The following ZHX2 variants were observed in gnomAD, a reference collection of about 807,000 sequenced individuals.
ZHX2 encodes the protein zinc fingers and homeoboxes 2, also known as zinc fingers and homeoboxes protein 2.
A neutral mutation model predicts 21.9 loss-of-function variants in ZHX2; 6 were observed. The observed-to-expected ratio is 0.27, with a 90% CI of 0.15 to 0.54. The LOEUF (loss-of-function observed/expected upper bound fraction) is 0.54, where lower values mean the gene tolerates loss of function less well. Ranked by LOEUF, ZHX2 falls within the 20% of genes least tolerant of loss-of-function variation. The probability of loss-of-function intolerance (pLI) is 0.95; values close to 1 mark genes in which losing one functional copy is unlikely to be tolerated. For synonymous variants in ZHX2, 434 were observed against 437.1 expected (o/e 0.99, Z 0.09); for missense variants, 908 against 1,090.7 (o/e 0.83, Z 2.36).
chr8:122,954,749 A>G (rs1196037784), intron 3 of ZHX2, among the ~76,000 whole-genome samples: 2 of 152,094 alleles, frequency 1.3e-5, no homozygotes, highest in Non-Finnish European at 2.9e-5. Flanking sequence ...AGGCCTGTCC[A>G]TTCTGAAGGT....
At chr8:122,916,227 C>T (rs35403566) in intron 2 of ZHX2, among the ~76,000 whole-genome samples, 6,497 of 152,302 alleles carry the variant, frequency 0.043, 207 homozygotes, top group Non-Finnish European at 0.064. Context: ...AGACTGGCAA[C>T]GAGGCGAGAA....
intron 3 of ZHX2, among the ~76,000 whole-genome samples, chr8:122,958,839 C>T (rs1813371114): frequency 6.6e-6 from 1 of 152,208 alleles, no homozygotes; most frequent in Admixed American, 6.5e-5. Context: ...TTAGAGAGCC[C>T]TCTTTGTGCT....
At chr8:122,785,094 C>T (rs143063542) in intron 1 of ZHX2, among the ~76,000 whole-genome samples, 1 of 152,348 alleles carries the variant, frequency 6.6e-6, no homozygotes, top group African/African-American at 2.4e-5. Context: ...AGAAAACTAA[C>T]CACTGTGGAA....
intron 1 of ZHX2, among the ~76,000 whole-genome samples, chr8:122,836,633 C>T (rs186524231): frequency 6.6e-6 from 1 of 152,340 alleles, no homozygotes; most frequent in Admixed American, 6.5e-5. Context: ...CTCCTGTAAA[C>T]AGGAAGTGTC....
chr8:122,945,421 T>C (rs962798565), intron 2 of ZHX2, among the ~76,000 whole-genome samples: 1 of 99,056 alleles, frequency 1.0e-5, no homozygotes, highest in East Asian at 3.7e-4. Flanking sequence ...CTCTTTTATA[T>C]AAACCCTGTC....
intron 2 of ZHX2, among the ~76,000 whole-genome samples, chr8:122,882,334 GAGAGAC>G (rs1819733215): frequency 6.6e-6 from 1 of 152,034 alleles, no homozygotes; most frequent in African/African-American, 2.4e-5. Context: ...GAGAGAGAGA[GAGAGAC>G]AGCTCTCTTA....
chr8:122,864,969 G>T (rs949517850), intron 2 of ZHX2, among the ~76,000 whole-genome samples: 2 of 152,188 alleles, frequency 1.3e-5, no homozygotes, highest in Non-Finnish European at 2.9e-5. Flanking sequence ...AGGGCTCTGT[G>T]GGAGGCCAGA....
At position 122,952,556 on chromosome 8, in the gene ZHX2, C is replaced by T; in HGVS notation, c.1046C>T (p.Pro349Leu). The T allele has an allele frequency of 6.2e-7, 1 of 1,614,184 alleles. No individual in the cohort carries two copies. Among genetic ancestry groups the T allele is most frequent in the Non-Finnish European group, 8.5e-7 (1 of 1,180,034 alleles). The change falls in exon 3 of 4, where the codon CCC (proline) becomes CTC (leucine). Residue 349 changes from proline to leucine, a missense_variant. Pro to Leu is a moderately conservative substitution (Grantham distance 98). This residue lies in a region of ZHX2 where 232 missense variants were observed against 361.8 expected (regional missense o/e 0.64). Coordinates refer to ENST00000314393, the MANE Select transcript of ZHX2 (RefSeq NM_014943.5). This position sits in a 1 kb window ranked among gnomAD's most constrained non-coding sequence, Gnocchi z 6.9. ...QSVPPTITVL[P>L]AQLAPTKVTQ... ...GTACCCCCGACCATCACTGTGCTGC[C>T]CGCCCAGTTGGCCCCCACAAAGGTG... is the stretch of plus-strand genomic sequence containing the variant.
At chr8:122,809,768 C>T (rs1402687999) in intron 1 of ZHX2, among the ~76,000 whole-genome samples, 1 of 152,166 alleles carries the variant, frequency 6.6e-6, no homozygotes, top group East Asian at 1.9e-4. Flanking sequence ...CATGGCTTTG[C>T]CCCATGCCAG....
At chr8:122,866,138 C>T (rs1414120101) in intron 2 of ZHX2, among the ~76,000 whole-genome samples, 3 of 152,204 alleles carry the variant, frequency 2.0e-5, no homozygotes, top group Admixed American at 2.0e-4. Flanking sequence ...CTGAGAAACA[C>T]CAGCACAAAA....
At chr8:122,935,024 A>G (rs1305817088) in intron 2 of ZHX2, among the ~76,000 whole-genome samples, 1 of 152,164 alleles carries the variant, frequency 6.6e-6, no homozygotes, top group Non-Finnish European at 1.5e-5. Flanking sequence ...ACAGTGCATC[A>G]TTTTGACTAC....
intron 1 of ZHX2, among the ~76,000 whole-genome samples, chr8:122,804,553 C>A (rs1265354304): frequency 6.6e-6 from 1 of 152,212 alleles, no homozygotes; most frequent in Non-Finnish European, 1.5e-5. Flanking sequence ...GGCACATAGG[C>A]AGGTGCACAA....
chr8:122,805,089 A>G (rs1365100737), intron 1 of ZHX2, among the ~76,000 whole-genome samples: 1 of 151,914 alleles, frequency 6.6e-6, no homozygotes, highest in Non-Finnish European at 1.5e-5. Context: ...TGGGTCCCCC[A>G]GATGCACACC....
chr8:122,932,611 C>G (rs1821020231), intron 2 of ZHX2, among the ~76,000 whole-genome samples: 1 of 152,224 alleles, frequency 6.6e-6, no homozygotes, highest in East Asian at 1.9e-4. Context: ...GCCTGTGTGA[C>G]AAGAGTGAAA....
intron 2 of ZHX2, among the ~76,000 whole-genome samples, chr8:122,928,969 T>A (rs1799778836): frequency 6.6e-6 from 1 of 152,242 alleles, no homozygotes; most frequent in Non-Finnish European, 1.5e-5. Flanking sequence ...TATTATCTTA[T>A]TGGTTAACAT....
chr8:122,955,076 G>T lies in ZHX2; in HGVS notation c.*4+1048G>T, dbSNP rs751827746. 1.9e-4 allele frequency among the ~76,000 whole-genome samples: 18 copies of T among 95,660 alleles called. 2 individuals are homozygous for T. In the East Asian group the frequency reaches 4.4e-3, roughly 23 times the overall value. 62.8% of individuals were successfully genotyped at this position (95,660 alleles called of 152,430 possible). The stretch of plus-strand genomic sequence containing the variant: ...CTGTAGAGTCACATAAGCCGGGGGG[G>T]GGGGGGTGGCAGGGCGGTTTCCATG... On this transcript the variant is annotated intron_variant, in intron 3 of 3. Transcript: ENST00000314393.
At chr8:122,795,446 C>T (rs999049520) in intron 1 of ZHX2, among the ~76,000 whole-genome samples, 6 of 152,212 alleles carry the variant, frequency 3.9e-5, no homozygotes, top group Non-Finnish European at 7.3e-5. Flanking sequence ...CTGGCCTTAT[C>T]CCTTGTTTCC....
intron 1 of ZHX2, among the ~76,000 whole-genome samples, chr8:122,854,826 C>G (rs1401438448): frequency 6.6e-6 from 1 of 152,224 alleles, no homozygotes; most frequent in Non-Finnish European, 1.5e-5. Flanking sequence ...ACCCATGACA[C>G]TGTATAGTCC....
chr8:122,843,991 A>G (rs1818696338), intron 1 of ZHX2, among the ~76,000 whole-genome samples: 1 of 144,368 alleles, frequency 6.9e-6, no homozygotes, highest in Admixed American at 6.8e-5. Context: ...ACACACACAC[A>G]TCATGCTTCT....
Sources: gnomAD v4.1 joint callset for allele counts (sites outside exome capture counted in the v4.1 genomes callset) on GRCh38, gnomAD v4.1.1 for gene constraint, gnomAD v4.1.1 regional missense constraint, Gnocchi (gnomAD v3.1) non-coding constraint, MANE v1.5 for transcripts, NCBI Gene and HGNC (gene_info 2026-07-23, HGNC 2026-07-21) for gene names.